Variants in CHL1 observed in about 807,000 individuals in gnomAD.
CHL1 encodes the protein cell adhesion molecule L1 like, also known as neural cell adhesion molecule L1-like protein.
In CHL1, 96 loss-of-function variants were observed where a neutral mutation model predicts 141.9. The observed-to-expected ratio is 0.68, with a 90% CI of 0.57 to 0.80. CHL1 has a LOEUF of 0.80. CHL1 is among the 30% of genes least tolerant of loss of function. CHL1 has a pLI of 0.00. For synonymous variants in CHL1, 613 were observed against 502.2 expected (o/e 1.22, Z -2.95); for missense variants, 1,820 against 1,457.2 (o/e 1.25, Z -4.05).
At chr3:376,386 C>T (rs775744519) in intron 15 of CHL1, 2 of 516,952 alleles carry the variant, frequency 3.9e-6, no homozygotes, top group Non-Finnish European at 7.7e-6. Flanking sequence ...TGATTTGGAA[C>T]CTGGACTGAG....
intron 2 of CHL1, among the ~76,000 whole-genome samples, chr3:256,159 G>A (rs1040579473): frequency 1.3e-5 from 2 of 152,170 alleles, no homozygotes; most frequent in Non-Finnish European, 2.9e-5. Context: ...ATGCATAAGT[G>A]TGCCTGACAA....
At position 382,581 on chromosome 3, in the gene CHL1, G is replaced by T. The variant is rs1393385168; in HGVS notation, c.2086G>T (p.Val696Leu). ...TTVILPLAPF[V>L]RYQFRVIAVN... ...AGTTATCTTACCTTTGGCTCCATTTGTGAGATACCAGTTCAGGGTCATAGC... is the reference window on the plus strand; with the variant it reads ...AGTTATCTTACCTTTGGCTCCATTTTTGAGATACCAGTTCAGGGTCATAGC... Residue 696 changes from valine (V) to leucine (L), a missense_variant, in exon 18 of 28, where the codon GTG (valine) becomes TTG (leucine). Val to Leu is a conservative substitution (Grantham distance 32, BLOSUM62 1). Coordinates refer to ENST00000256509, the MANE Select transcript of CHL1 (RefSeq NM_006614.4). 2 of 1,613,950 alleles carry T rather than the reference G, an allele frequency of 1.2e-6. No individual in the cohort carries two copies. The highest frequency in any genetic ancestry group is 1.7e-6 in the Non-Finnish European group (2 of 1,179,912).
Position 292,883 on chromosome 3 carries a change from C to G in CHL1, c.-94-26800C>G, listed in dbSNP as rs192016805. 3.4e-3 allele frequency among the ~76,000 whole-genome samples: 513 copies of G among 152,276 alleles called. 2 individuals are homozygous for G. Among genetic ancestry groups the G allele is most frequent in the African/African-American group, 0.012 (482 of 41,540 alleles). On this transcript the variant is annotated intron_variant, in intron 2 of 27. Transcript: ENST00000256509. Reference sequence around the variant, plus strand: ...GCCATGAGGGATCTACCCGCATCACCCAGATACCTCCTACCAGGCACCACC... The same window carrying G: ...GCCATGAGGGATCTACCCGCATCACGCAGATACCTCCTACCAGGCACCACC...
At position 232,091 on chromosome 3, in the gene CHL1, G is replaced by A. The variant is rs534513688; in HGVS notation, c.-174-12522G>A. 1.3e-3 allele frequency among the ~76,000 whole-genome samples: 192 copies of A among 152,236 alleles called. 1 individual carries two copies. The highest frequency in any genetic ancestry group is 4.4e-3 in the African/African-American group (184 of 41,518). The stretch of plus-strand genomic sequence containing the variant: ...CATGGCAACAACTGATGGCTGACGA[G>A]ACGTTATGCTTGGAATTCGTATATT... On this transcript the variant is annotated intron_variant, in intron 1 of 27. Coordinates refer to ENST00000256509, the MANE Select transcript of CHL1 (RefSeq NM_006614.4).
intron 27 of CHL1, among the ~76,000 whole-genome samples, chr3:405,073 T>C (rs968701552): frequency 1.2e-4 from 19 of 152,132 alleles, no homozygotes; most frequent in African/African-American, 3.9e-4. Flanking sequence ...TCCACCCTTA[T>C]GGCCTAATCA....
At chr3:287,066 C>G (rs1407944021) in intron 2 of CHL1, among the ~76,000 whole-genome samples, 1 of 152,180 alleles carries the variant, frequency 6.6e-6, no homozygotes, top group Non-Finnish European at 1.5e-5. Context: ...ACCCATCCTT[C>G]TGGGAATGCA....
intron 5 of CHL1, among the ~76,000 whole-genome samples, chr3:337,185 G>GTTTTTT (rs1159691986): frequency 2.5e-5 from 2 of 81,118 alleles, no homozygotes; most frequent in Non-Finnish European, 2.4e-5. Flanking sequence ...ACATTCTTTT[G>GTTTTTT]TTTTTGTTTT....
chr3:243,298 A>G (rs1195841498), intron 1 of CHL1, among the ~76,000 whole-genome samples: 2 of 152,176 alleles, frequency 1.3e-5, no homozygotes, highest in Non-Finnish European at 2.9e-5. Context: ...GTACTCTTCT[A>G]CTTAGGTAAA....
intron 2 of CHL1, 51 bp from the exon 3 acceptor site, chr3:319,632 T>C (rs1001842998): frequency 1.1e-5 from 6 of 547,832 alleles, no homozygotes; most frequent in Non-Finnish European, 1.9e-5. Flanking sequence ...ATTTGTTCTG[T>C]TGAAATTTTA....
At chr3:228,737 A>G (rs1044469829) in intron 1 of CHL1, among the ~76,000 whole-genome samples, 2 of 152,186 alleles carry the variant, frequency 1.3e-5, no homozygotes, top group African/African-American at 4.8e-5. Context: ...TGAGGGAGAT[A>G]AGTAAGGTGG....
intron 20 of CHL1, 25 bp from the exon 21 acceptor site, chr3:390,676 C>T (rs1708145826): frequency 7.6e-7 from 1 of 1,309,390 alleles, no homozygotes; most frequent in Non-Finnish European, 1.1e-6. Context: ...TTATTGAAAA[C>T]TAATCAATCT....
intron 1 of CHL1, among the ~76,000 whole-genome samples, chr3:242,333 A>G (rs1178546807): frequency 3.3e-5 from 5 of 150,262 alleles, no homozygotes; most frequent in African/African-American, 1.2e-4. Flanking sequence ...GCGGTGGCTC[A>G]CGCCTGTAAT....
chr3:230,289 T>C (rs532483333), intron 1 of CHL1, among the ~76,000 whole-genome samples: 4 of 152,304 alleles, frequency 2.6e-5, no homozygotes, highest in African/African-American at 9.6e-5. Flanking sequence ...CTGGCTTTTG[T>C]GTCATTCACA....
chr3:348,409 T>C (rs75743783), intron 9 of CHL1, among the ~76,000 whole-genome samples: 5,068 of 152,300 alleles, frequency 0.033, 288 homozygotes, highest in African/African-American at 0.11. Flanking sequence ...TACTCACTTA[T>C]AGAACCTGAC....
intron 2 of CHL1, among the ~76,000 whole-genome samples, chr3:261,304 TAGAGGG>T (rs1694699406): frequency 6.8e-6 from 1 of 146,580 alleles, no homozygotes; most frequent in Admixed American, 6.8e-5. Context: ...AAGAGCAAAA[TAGAGGG>T]AGGGAAGAAG....
chr3:305,247 G>T (rs1377152710), intron 2 of CHL1, among the ~76,000 whole-genome samples: 6 of 152,060 alleles, frequency 3.9e-5, no homozygotes, highest in Non-Finnish European at 8.8e-5. Context: ...AATATTTACA[G>T]AACACTTTGT....
chr3:327,287 A>G (rs776432504), intron 4 of CHL1, among the ~76,000 whole-genome samples: 3 of 151,998 alleles, frequency 2.0e-5, no homozygotes, highest in Non-Finnish European at 4.4e-5. Flanking sequence ...TAATTCCAAT[A>G]TACAATGCTG....
intron 23 of CHL1, among the ~76,000 whole-genome samples, chr3:392,305 A>T (rs1708289783): frequency 6.6e-6 from 1 of 152,202 alleles, no homozygotes; most frequent in South Asian, 2.1e-4. Flanking sequence ...TCTGCCTCAG[A>T]TATATGCTCC....
chr3:349,210 G>A, intron 9 of CHL1, 149 bp from the exon 10 acceptor site: 1 of 647,822 alleles, frequency 1.5e-6, no homozygotes, highest in South Asian at 2.0e-5. Context: ...GGTGGTGGGT[G>A]TGTCTGTCCA....
Sources: gnomAD v4.1 joint callset for allele counts (sites outside exome capture counted in the v4.1 genomes callset) on GRCh38, gnomAD v4.1.1 for gene constraint, MANE v1.5 for transcripts, NCBI Gene and HGNC (gene_info 2026-07-23, HGNC 2026-07-21) for gene names.